The following EXOC4 variants were observed in gnomAD, a reference collection of about 807,000 sequenced individuals.
The protein encoded by EXOC4 is SEC8-like 1.
In EXOC4, 71 loss-of-function variants were observed where a neutral mutation model predicts 107.2. The observed-to-expected ratio is 0.66, with a 90% CI of 0.55 to 0.81. The LOEUF (loss-of-function observed/expected upper bound fraction) is 0.81, where lower values mean the gene tolerates loss of function less well. Among genes scored for constraint, EXOC4 ranks in the 30% least tolerant of loss-of-function variants. EXOC4 has a pLI of 0.00. For synonymous variants in EXOC4, 456 were observed against 441.2 expected (o/e 1.03, Z -0.42); for missense variants, 1,108 against 1,189.6 (o/e 0.93, Z 1.01).
intron 9 of EXOC4, among the ~76,000 whole-genome samples, chr7:133,489,448 A>G (rs1799330738): frequency 6.6e-6 from 1 of 152,190 alleles, no homozygotes; most frequent in Non-Finnish European, 1.5e-5. Context: ...TTTTCTGGAC[A>G]GCAGCACTTT....
chr7:133,994,051 G>C (rs1363222736), intron 14 of EXOC4, among the ~76,000 whole-genome samples: 1 of 152,214 alleles, frequency 6.6e-6, no homozygotes, highest in African/African-American at 2.4e-5. Context: ...CCAATGTTCA[G>C]CTTCCTTTCG....
At chr7:133,275,230 C>G in intron 2 of EXOC4, 59 bp downstream of exon 2, 1 of 1,359,776 alleles carries the variant, frequency 7.4e-7, no homozygotes, top group Non-Finnish European at 9.8e-7. Flanking sequence ...GGTGTTGCAG[C>G]TTGGAGAGGA....
At chr7:133,257,491 T>C (rs949968196) in intron 1 of EXOC4, among the ~76,000 whole-genome samples, 3 of 152,220 alleles carry the variant, frequency 2.0e-5, no homozygotes, top group Admixed American at 2.0e-4. Flanking sequence ...ATAAGAAAGA[T>C]GGCATTTTGG....
chr7:133,876,219 G>T, intron 11 of EXOC4, among the ~76,000 whole-genome samples: 1 of 123,116 alleles, frequency 8.1e-6, no homozygotes, highest in Non-Finnish European at 1.6e-5. Flanking sequence ...AAAGAATGAA[G>T]AGGTGTGTGT....
chr7:133,678,103 C>A (rs989695524), intron 10 of EXOC4, among the ~76,000 whole-genome samples: 1 of 151,782 alleles, frequency 6.6e-6, no homozygotes, highest in South Asian at 2.1e-4. Flanking sequence ...AAAAGAATAA[C>A]CTAAAGTATC....
intron 10 of EXOC4, among the ~76,000 whole-genome samples, chr7:133,782,257 A>G (rs1022746692): frequency 6.6e-6 from 1 of 152,174 alleles, no homozygotes; most frequent in Admixed American, 6.5e-5. Context: ...AATAAATGTA[A>G]CCTCTGAGGG....
At chr7:133,591,702 C>CA (rs1801551751) in intron 9 of EXOC4, among the ~76,000 whole-genome samples, 1 of 152,024 alleles carries the variant, frequency 6.6e-6, no homozygotes, top group Non-Finnish European at 1.5e-5. Context: ...TTGAGACTAA[C>CA]AGTTTTTCTG....
chr7:133,487,372 C>T (rs567446862), intron 9 of EXOC4, among the ~76,000 whole-genome samples: 3 of 152,222 alleles, frequency 2.0e-5, no homozygotes, highest in South Asian at 2.1e-4. Flanking sequence ...AAAAGTTGAA[C>T]AAATGCATTT....
At chr7:133,735,643 T>C (rs1344761763) in intron 10 of EXOC4, among the ~76,000 whole-genome samples, 1 of 152,172 alleles carries the variant, frequency 6.6e-6, no homozygotes, top group Non-Finnish European at 1.5e-5. Flanking sequence ...TCTTCTCTTC[T>C]TTTTTCACTT....
intron 14 of EXOC4, among the ~76,000 whole-genome samples, chr7:133,996,176 G>A (rs914213784): frequency 6.6e-6 from 1 of 152,136 alleles, no homozygotes; most frequent in African/African-American, 2.4e-5. Context: ...CTTATATTAA[G>A]TTTTATATGT....
intron 7 of EXOC4, among the ~76,000 whole-genome samples, chr7:133,411,599 A>G (rs1797357591): frequency 1.3e-5 from 2 of 152,194 alleles, no homozygotes; most frequent in Admixed American, 6.5e-5. Context: ...TGCTAACTAG[A>G]TGTTATCACA....
chr7:133,676,835 G>T (rs1794068167), intron 10 of EXOC4, among the ~76,000 whole-genome samples: 1 of 151,820 alleles, frequency 6.6e-6, no homozygotes, highest in South Asian at 2.1e-4. Flanking sequence ...CTTATTTACA[G>T]TAGGAGTTTC....
At chr7:133,968,548 C>A (rs1438302891) in intron 14 of EXOC4, among the ~76,000 whole-genome samples, 1 of 152,194 alleles carries the variant, frequency 6.6e-6, no homozygotes, top group African/African-American at 2.4e-5. Flanking sequence ...GTGACAAAAT[C>A]TCTCAACATT....
At chr7:133,588,757 G>A (rs113046682) in intron 9 of EXOC4, among the ~76,000 whole-genome samples, 14,828 of 152,112 alleles carry the variant, frequency 0.097, 945 homozygotes, top group South Asian at 0.21. Context: ...GCTGGGCATG[G>A]TGACTCCTAC....
chr7:133,549,055 G>A (rs1401172597), intron 9 of EXOC4, among the ~76,000 whole-genome samples: 1 of 152,216 alleles, frequency 6.6e-6, no homozygotes, highest in African/African-American at 2.4e-5. Flanking sequence ...CCAGGCCAGA[G>A]TGCAGTGGCA....
At chr7:133,942,475 C>A (rs1016922816) in intron 14 of EXOC4, among the ~76,000 whole-genome samples, 1 of 152,128 alleles carries the variant, frequency 6.6e-6, no homozygotes, top group Non-Finnish European at 1.5e-5. Flanking sequence ...TTGTGAATTG[C>A]AGTATTAGTT....
chr7:133,565,431 A>G (rs1369595606), intron 9 of EXOC4, among the ~76,000 whole-genome samples: 1 of 152,136 alleles, frequency 6.6e-6, no homozygotes, highest in Non-Finnish European at 1.5e-5. Context: ...GATGCTACCT[A>G]CTCAAAGGTA....
chr7:133,861,388 CAT>C (rs1798530479), intron 11 of EXOC4, among the ~76,000 whole-genome samples: 1 of 152,160 alleles, frequency 6.6e-6, no homozygotes, highest in Non-Finnish European at 1.5e-5. Context: ...CAAACCTGCA[CAT>C]GTGCCCCTGA....
intron 7 of EXOC4, among the ~76,000 whole-genome samples, chr7:133,461,213 G>A (rs1339361644): frequency 6.6e-6 from 1 of 152,144 alleles, no homozygotes; most frequent in Non-Finnish European, 1.5e-5. Flanking sequence ...CGGTTGAGAT[G>A]TTCTTTGTGG....
Sources: allele counts gnomAD v4.1 joint callset (sites outside exome capture counted in the v4.1 genomes callset), GRCh38; gene constraint gnomAD v4.1.1; transcripts MANE v1.5; gene names NCBI Gene and HGNC (gene_info 2026-07-23, HGNC 2026-07-21).